The following CTNNA3 variants were observed in gnomAD, a reference collection of about 807,000 sequenced individuals.
The protein encoded by CTNNA3 is catenin alpha 3.
In CTNNA3, 76 loss-of-function variants were observed where a neutral mutation model predicts 95.7. That is an observed-to-expected ratio of 0.79 (90% CI 0.66 to 0.96). The LOEUF (loss-of-function observed/expected upper bound fraction) is 0.96, where lower values mean the gene tolerates loss of function less well. Among genes scored for constraint, CTNNA3 ranks in the 40% least tolerant of loss-of-function variants. The probability of loss-of-function intolerance (pLI) is 0.00; values close to 1 mark genes in which losing one functional copy is unlikely to be tolerated. For missense variants in CTNNA3, 1,191 were observed against 1,089.8 expected (o/e 1.09, Z -1.31); for synonymous variants, 431 against 374.4 (o/e 1.15, Z -1.74).
At chr10:66,494,165 C>T (rs930923443) in intron 11 of CTNNA3, among the ~76,000 whole-genome samples, 2 of 152,228 alleles carry the variant, frequency 1.3e-5, no homozygotes, top group Non-Finnish European at 2.9e-5. Context: ...GCCTCGACCT[C>T]CCAAAGTGCT....
chr10:67,308,663 G>A (rs1018851126), intron 5 of CTNNA3, among the ~76,000 whole-genome samples: 1 of 152,128 alleles, frequency 6.6e-6, no homozygotes, highest in African/African-American at 2.4e-5. Flanking sequence ...TTCCATTTAA[G>A]AGGACTGAGC....
chr10:67,184,590 C>G (rs569798555), intron 6 of CTNNA3, among the ~76,000 whole-genome samples: 1 of 152,226 alleles, frequency 6.6e-6, no homozygotes, highest in East Asian at 1.9e-4. Context: ...CAGTCCTTTT[C>G]AATTAAGACA....
At chr10:67,229,099 A>G (rs1000156210) in intron 5 of CTNNA3, among the ~76,000 whole-genome samples, 3 of 152,222 alleles carry the variant, frequency 2.0e-5, no homozygotes, top group African/African-American at 4.8e-5. Flanking sequence ...AACCAAAAAC[A>G]TATCAAAAAG....
At chr10:67,397,791 C>T (rs1844766427) in intron 5 of CTNNA3, among the ~76,000 whole-genome samples, 1 of 152,190 alleles carries the variant, frequency 6.6e-6, no homozygotes, top group Non-Finnish European at 1.5e-5. Flanking sequence ...GCCCTGCATC[C>T]CAGCTGCTCC....
At chr10:67,435,109 T>C (rs1308531596) in intron 5 of CTNNA3, among the ~76,000 whole-genome samples, 2 of 152,046 alleles carry the variant, frequency 1.3e-5, no homozygotes, top group African/African-American at 2.4e-5. Context: ...TTTTTCTTTC[T>C]CTCATTGCCT....
At chr10:66,229,904 T>C (rs1335351742) in intron 13 of CTNNA3, among the ~76,000 whole-genome samples, 4 of 152,122 alleles carry the variant, frequency 2.6e-5, no homozygotes, top group Non-Finnish European at 1.5e-5. Context: ...GTTTCTTCAT[T>C]CTTTTTCATT....
chr10:66,034,617 C>A (rs1046047598), intron 15 of CTNNA3, among the ~76,000 whole-genome samples: 1 of 152,156 alleles, frequency 6.6e-6, no homozygotes, highest in Non-Finnish European at 1.5e-5. Flanking sequence ...ACTATTTTGA[C>A]CATTAACTAG....
chr10:67,063,385 T>A (rs555850993), intron 7 of CTNNA3, among the ~76,000 whole-genome samples: 1 of 152,304 alleles, frequency 6.6e-6, no homozygotes, highest in Admixed American at 6.5e-5. Flanking sequence ...TAAAAATATA[T>A]GCCTTTAAAA....
chr10:66,973,363 T>A (rs1849831857), intron 7 of CTNNA3, among the ~76,000 whole-genome samples: 1 of 152,138 alleles, frequency 6.6e-6, no homozygotes, highest in Non-Finnish European at 1.5e-5. Flanking sequence ...AACATCAATA[T>A]TACAATGAAT....
chr10:67,103,979 C>A (rs1305128410), intron 7 of CTNNA3, among the ~76,000 whole-genome samples: 1 of 151,636 alleles, frequency 6.6e-6, no homozygotes, highest in Non-Finnish European at 1.5e-5. Flanking sequence ...AAAGAAAAAT[C>A]CTTCAAAACA....
At chr10:66,375,947 A>G (rs1269578690) in intron 12 of CTNNA3, among the ~76,000 whole-genome samples, 2 of 152,166 alleles carry the variant, frequency 1.3e-5, no homozygotes, top group Non-Finnish European at 2.9e-5. Context: ...TGTATTTGCC[A>G]TCACTGCCAG....
At chr10:66,472,132 T>C (rs181335716) in intron 11 of CTNNA3, among the ~76,000 whole-genome samples, 1 of 152,102 alleles carries the variant, frequency 6.6e-6, no homozygotes, top group Admixed American at 6.6e-5. Flanking sequence ...CTAGCCTATA[T>C]ACACATCATA....
chr10:66,581,369 T>C (rs754210579), intron 10 of CTNNA3, among the ~76,000 whole-genome samples: 1 of 151,496 alleles, frequency 6.6e-6, no homozygotes, highest in African/African-American at 2.4e-5. Flanking sequence ...CAGCAGCATA[T>C]AAGTGTTCCT....
At chr10:66,934,405 A>C (rs917591333) in intron 7 of CTNNA3, among the ~76,000 whole-genome samples, 2 of 152,120 alleles carry the variant, frequency 1.3e-5, no homozygotes, top group Non-Finnish European at 2.9e-5. Flanking sequence ...TTATAAACCA[A>C]CACAATTCAG....
chr10:67,591,382 T>A (rs1842783374), intron 3 of CTNNA3, among the ~76,000 whole-genome samples: 1 of 151,816 alleles, frequency 6.6e-6, no homozygotes, highest in East Asian at 1.9e-4. Flanking sequence ...AAATAGACAA[T>A]AGGAACAAAC....
chr10:66,694,890 C>A (rs1847699655), intron 9 of CTNNA3, among the ~76,000 whole-genome samples: 1 of 152,098 alleles, frequency 6.6e-6, no homozygotes, highest in African/African-American at 2.4e-5. Flanking sequence ...TCTTGTGCCT[C>A]CTCAGAAATT....
intron 7 of CTNNA3, among the ~76,000 whole-genome samples, chr10:66,791,415 CCTCAATTTGG>C (rs1378252553): frequency 6.6e-6 from 1 of 152,134 alleles, no homozygotes; most frequent in Non-Finnish European, 1.5e-5. Context: ...CATACTGATC[CCTCAATTTGG>C]AATTATTTTC....
intron 7 of CTNNA3, among the ~76,000 whole-genome samples, chr10:67,000,571 T>C (rs1305210721): frequency 6.6e-5 from 10 of 152,120 alleles, no homozygotes; most frequent in Admixed American, 6.5e-4. Flanking sequence ...TCCTCCAACC[T>C]CTGTATCTAT....
At chr10:66,824,166 C>T (rs10997397) in intron 7 of CTNNA3, among the ~76,000 whole-genome samples, 19,841 of 151,616 alleles carry the variant, frequency 0.13, 2,029 homozygotes, top group African/African-American at 0.29. Context: ...TTAGGTGTTT[C>T]AATTCATGAG....
Sources: allele counts gnomAD v4.1 joint callset (sites outside exome capture counted in the v4.1 genomes callset), GRCh38; gene constraint gnomAD v4.1.1; transcripts MANE v1.5; gene names NCBI Gene and HGNC (gene_info 2026-07-23, HGNC 2026-07-21).